The following NCK2 variants were observed in gnomAD, a reference collection of about 807,000 sequenced individuals.
The protein encoded by NCK2 is NCK adaptor protein 2, also known as cytoplasmic protein NCK2.
In NCK2, 16 loss-of-function variants were observed where a neutral mutation model predicts 33.9. That is an observed-to-expected ratio of 0.47 (90% CI 0.32 to 0.72). The LOEUF is 0.72. Ranked by LOEUF, NCK2 falls within the 30% of genes least tolerant of loss-of-function variation. The pLI is 0.03. For missense variants in NCK2, 418 were observed against 537.3 expected (o/e 0.78, Z 2.19); for synonymous variants, 273 against 239.9 (o/e 1.14, Z -1.27).
At chr2:105,812,293 C>T (rs560266656) in intron 1 of NCK2, among the ~76,000 whole-genome samples, 1 of 152,270 alleles carries the variant, frequency 6.6e-6, no homozygotes, top group South Asian at 2.1e-4. Context: ...CTTTGAGTTT[C>T]GGATTGATAA....
Position 105,854,917 on chromosome 2 carries a change from T to C in NCK2, c.-16-131T>C, listed in dbSNP as rs1470621380. ...AGAAGGTCATTTTAAAGTTGAGCATTTCAAGACCCAGGAGAAAACTGGTTG... is the reference window on the plus strand; with the variant it reads ...AGAAGGTCATTTTAAAGTTGAGCATCTCAAGACCCAGGAGAAAACTGGTTG... On this transcript the variant is annotated intron_variant, in intron 2 of 4. Coordinates refer to ENST00000233154, the MANE Select transcript of NCK2 (RefSeq NM_003581.5). 1.7e-5 allele frequency: 11 copies of C among 651,460 alleles called. No individual in the cohort carries two copies. In the East Asian group the frequency reaches 3.0e-4, roughly 18 times the overall value. The allele number at this position is 651,460 out of a possible 1,614,324, so 40.4% of individuals were successfully genotyped here.
intron 1 of NCK2, among the ~76,000 whole-genome samples, chr2:105,795,620 A>G (rs1185214569): frequency 9.9e-5 from 15 of 152,186 alleles, no homozygotes. Flanking sequence ...TCCCCAAGGG[A>G]TATTCAGCAG....
chr2:105,885,834 C>G (rs186513705), intron 4 of NCK2, among the ~76,000 whole-genome samples: 81 of 152,228 alleles, frequency 5.3e-4, no homozygotes, highest in Admixed American at 4.7e-3. Context: ...TCATTTAGAA[C>G]TGAAGCTTTT....
intron 1 of NCK2, among the ~76,000 whole-genome samples, chr2:105,789,617 T>TA (rs1292665803): frequency 1.3e-5 from 2 of 152,238 alleles, no homozygotes; most frequent in African/African-American, 4.8e-5. Flanking sequence ...ATAAAATCCT[T>TA]ATAGGAGCAA....
chr2:105,861,633 G>A (rs1175499914), intron 3 of NCK2, among the ~76,000 whole-genome samples: 1 of 150,978 alleles, frequency 6.6e-6, no homozygotes, highest in African/African-American at 2.4e-5. Context: ...TCCTGCTTCA[G>A]CCTCCCTAGT....
chr2:105,865,642 G>A (rs1425657516), intron 3 of NCK2, among the ~76,000 whole-genome samples: 1 of 152,158 alleles, frequency 6.6e-6, no homozygotes, highest in Non-Finnish European at 1.5e-5. Context: ...ATGTTGAGGT[G>A]AGCAAGAGCC....
intron 3 of NCK2, among the ~76,000 whole-genome samples, chr2:105,865,948 C>A (rs1178800242): frequency 7.1e-6 from 1 of 141,314 alleles, no homozygotes; most frequent in Admixed American, 7.0e-5. Context: ...GAGTTTCATT[C>A]TTGTTGCCCA....
At chr2:105,774,838 T>C (rs757894428) in intron 1 of NCK2, among the ~76,000 whole-genome samples, 1 of 152,102 alleles carries the variant, frequency 6.6e-6, no homozygotes, top group Non-Finnish European at 1.5e-5. Context: ...TTTTGAGTTA[T>C]GTGTTGAAAG....
At chr2:105,857,347 C>A (rs1017996468) in intron 3 of NCK2, among the ~76,000 whole-genome samples, 1 of 152,268 alleles carries the variant, frequency 6.6e-6, no homozygotes, top group Non-Finnish European at 1.5e-5. Flanking sequence ...CGCGCCCGTC[C>A]CCGACAGATG....
At chr2:105,786,856 A>AGTCTTAG (rs1553453814) in intron 1 of NCK2, among the ~76,000 whole-genome samples, 2 of 152,004 alleles carry the variant, frequency 1.3e-5, no homozygotes, top group African/African-American at 2.4e-5. Flanking sequence ...CTCCCACCCT[A>AGTCTTAG]GCCTTAGGCT....
At chr2:105,745,927 C>T (rs1689272412) in intron 1 of NCK2, 1 of 152,170 alleles carries the variant, frequency 6.6e-6, no homozygotes, top group African/African-American at 2.4e-5. Context: ...CTTATGAGCA[C>T]AGTTAGCTTG....
intron 3 of NCK2, among the ~76,000 whole-genome samples, chr2:105,873,203 G>C (rs1222659777): frequency 6.6e-6 from 1 of 152,198 alleles, no homozygotes; most frequent in Non-Finnish European, 1.5e-5. Flanking sequence ...GACCTTGTCT[G>C]AAATCGATTT....
At chr2:105,829,811 G>A (rs1676096960) in intron 2 of NCK2, among the ~76,000 whole-genome samples, 1 of 152,100 alleles carries the variant, frequency 6.6e-6, no homozygotes, top group Non-Finnish European at 1.5e-5. Context: ...TTAAGGGAGG[G>A]GAGTTCACTG....
At chr2:105,806,185 ATG>A (rs1455799729) in intron 1 of NCK2, among the ~76,000 whole-genome samples, 1 of 150,092 alleles carries the variant, frequency 6.7e-6, no homozygotes, top group South Asian at 2.1e-4. Flanking sequence ...TTGTATATGT[ATG>A]TGTGTGTGTG....
intron 2 of NCK2, among the ~76,000 whole-genome samples, chr2:105,830,691 G>GTGTGTGTGTA (rs1553458050): frequency 4.1e-5 from 6 of 147,092 alleles, no homozygotes; most frequent in Admixed American, 6.8e-5. Flanking sequence ...GTGTGTGTGT[G>GTGTGTGTGTA]TGTGTGTGTG....
chr2:105,798,674 T>G (rs1691167702), intron 1 of NCK2, among the ~76,000 whole-genome samples: 1 of 152,206 alleles, frequency 6.6e-6, no homozygotes, highest in Non-Finnish European at 1.5e-5. Flanking sequence ...TGCTGGTGAT[T>G]AAGTTTATGT....
chr2:105,787,261 C>T (rs1690711619), intron 1 of NCK2, among the ~76,000 whole-genome samples: 1 of 152,246 alleles, frequency 6.6e-6, no homozygotes, highest in African/African-American at 2.4e-5. Context: ...ATGGTCATAT[C>T]TGTAGGCTTG....
chr2:105,817,908 A>G (rs997859668), intron 2 of NCK2, among the ~76,000 whole-genome samples: 1 of 152,082 alleles, frequency 6.6e-6, no homozygotes, highest in Admixed American at 6.6e-5. Flanking sequence ...ATACCATTTG[A>G]CCCAGCCATC....
At chr2:105,744,472 A>T (rs1312755619), upstream of NCK2, among the ~76,000 whole-genome samples, 1 of 152,154 alleles carries the variant, frequency 6.6e-6, no homozygotes, top group African/African-American at 2.4e-5. Context: ...AGAACAACGA[A>T]CAAACAAAAA....
Sources: allele counts gnomAD v4.1 joint callset (sites outside exome capture counted in the v4.1 genomes callset), GRCh38; gene constraint gnomAD v4.1.1; transcripts MANE v1.5; gene names NCBI Gene and HGNC (gene_info 2026-07-23, HGNC 2026-07-21).